ALDH1A3: variants seen among roughly 807,000 people sequenced by gnomAD.
ALDH1A3 encodes retinaldehyde dehydrogenase 3.
In ALDH1A3, 28 loss-of-function variants were observed where a neutral mutation model predicts 57.5. The ratio of observed to expected loss-of-function variants is 0.49; its 90% CI spans 0.36 to 0.67. The LOEUF (loss-of-function observed/expected upper bound fraction) is 0.67, where lower values mean the gene tolerates loss of function less well. Among genes scored for constraint, ALDH1A3 ranks in the 30% least tolerant of loss-of-function variants. The pLI is 0.00. For missense variants in ALDH1A3, 507 were observed against 669.4 expected (o/e 0.76, Z 2.68); for synonymous variants, 281 against 264.8 (o/e 1.06, Z -0.59).
intron 12 of ALDH1A3, 165 bp from the exon 13 acceptor site, chr15:100,914,536 A>G (rs1259713136): frequency 5.0e-6 from 3 of 594,492 alleles, no homozygotes; most frequent in Non-Finnish European, 9.0e-6. Context: ...ACTGACACTT[A>G]CTAGTGCTGT....
At chr15:100,880,270 C>T (rs1252878531) in intron 1 of ALDH1A3, 12 of 386,254 alleles carry the variant, frequency 3.1e-5, no homozygotes, top group Non-Finnish European at 4.6e-5. Context: ...GCCGGGCCGC[C>T]CGCATCCCTG....
intron 9 of ALDH1A3, among the ~76,000 whole-genome samples, chr15:100,902,609 G>A (rs908027846): frequency 2.0e-5 from 3 of 152,198 alleles, no homozygotes; most frequent in South Asian, 2.1e-4. Flanking sequence ...GGCAGGATCC[G>A]GCAGCGTCCT....
chr15:100,898,772 T>C (rs971976916), intron 8 of ALDH1A3, among the ~76,000 whole-genome samples: 2 of 152,210 alleles, frequency 1.3e-5, no homozygotes, highest in East Asian at 1.9e-4. Context: ...AGTTTGGGGA[T>C]AGCTTGCGTC....
chr15:100,886,787 A>G (rs2041598607), intron 2 of ALDH1A3, among the ~76,000 whole-genome samples: 1 of 152,202 alleles, frequency 6.6e-6, no homozygotes, highest in Admixed American at 6.5e-5. Flanking sequence ...TTCTGCTCCC[A>G]TGGGGTGGGT....
rs559338705 is a variant in ALDH1A3, at chr15:100,894,514, TA to T, written c.666+434del. 3.5e-3 allele frequency: 659 copies of T among 185,816 alleles called. 1 individual carries two copies. The highest frequency in any genetic ancestry group is 0.015 in the Middle Eastern group (6 of 388). 11.5% of individuals were successfully genotyped at this position (185,816 alleles called of 1,614,324 possible). A position where few individuals can be genotyped will look rare whatever the true frequency, so the allele number is the denominator to read the frequency against. ...AGCAGTCCGTGTGCCGGGTCCCTGC[TA>T]ATCAGTGCCCTCTGCTCTGAATGCA... is the stretch of plus-strand genomic sequence containing the variant. On this transcript the variant is annotated intron_variant, in intron 6 of 12. Coordinates refer to ENST00000329841, the MANE Select transcript of ALDH1A3 (RefSeq NM_000693.4). This position sits in a 1 kb window ranked among gnomAD's most constrained non-coding sequence, Gnocchi z 4.5.
chr15:100,891,605 T>C (rs1373366222), intron 3 of ALDH1A3, among the ~76,000 whole-genome samples: 1 of 151,912 alleles, frequency 6.6e-6, no homozygotes, highest in African/African-American at 2.4e-5. Context: ...CATCGGGGAG[T>C]GCGCTGGGGT....
At chr15:100,899,158 C>T (rs2041741850) in intron 8 of ALDH1A3, among the ~76,000 whole-genome samples, 1 of 152,174 alleles carries the variant, frequency 6.6e-6, no homozygotes, top group Non-Finnish European at 1.5e-5. Context: ...TACAGGCTCT[C>T]AGGAAGGAAA....
At chr15:100,892,364 G>C in intron 3 of ALDH1A3, 146 bp from the exon 4 acceptor site, 10 of 1,053,898 alleles carry the variant, frequency 9.5e-6, no homozygotes, top group Non-Finnish European at 1.2e-5. Flanking sequence ...TTGGTGTCAT[G>C]CTTTCTGAAG....
chr15:100,893,893 G>A lies in ALDH1A3; in HGVS notation c.538-61G>A. ...GTGTCCTCCACAAAGGCATCGTTGA[G>A]CACATGGGACAGGGTAAGAGGGTGG... On this transcript the variant is annotated intron_variant, in intron 5 of 12. Transcript: ENST00000329841. The surrounding 1 kb of genome is among the most constrained non-coding windows in gnomAD (Gnocchi z 4.8). 1 of 1,573,190 alleles carries A rather than the reference G, an allele frequency of 6.4e-7. No individual in the cohort carries two copies. The highest frequency in any genetic ancestry group is 8.6e-7 in the Non-Finnish European group (1 of 1,162,682).
intron 11 of ALDH1A3, among the ~76,000 whole-genome samples, chr15:100,907,844 C>CTTTT (rs71151987): frequency 0.028 from 2,315 of 81,906 alleles, 191 homozygotes; most frequent in Middle Eastern, 0.045. Context: ...TTCTTTCTTT[C>CTTTT]TTTTTTTTTT....
rs775161437 is a variant in ALDH1A3, at chr15:100,887,799, C to T, written c.345+87C>T. ...CCATGGGGTATGGGAAAAAAGATCA[C>T]GGTCCTGGTTTTGTGTGGTCGTGGG... On this transcript the variant is annotated intron_variant, in intron 3 of 12. Transcript: ENST00000329841. The surrounding 1 kb of genome is among the most constrained non-coding windows in gnomAD (Gnocchi z 4.6). The T allele has an allele frequency of 2.1e-5, 31 of 1,454,508 alleles. No individual in the cohort carries two copies. In the South Asian group the frequency reaches 2.4e-4, roughly 11 times the overall value. The allele number at this position is 1,454,508 out of a possible 1,614,324, so 90.1% of individuals were successfully genotyped here.
At chr15:100,882,909 A>T (rs2141545058) in intron 1 of ALDH1A3, among the ~76,000 whole-genome samples, 1 of 152,396 alleles carries the variant, frequency 6.6e-6, no homozygotes, top group East Asian at 1.9e-4. Flanking sequence ...AAGATTACTT[A>T]CTACTGTAGT....
chr15:100,907,215 T>C lies in ALDH1A3; in HGVS notation c.1328T>C (p.Val443Ala). 6.2e-7 allele frequency: 1 copy of C among 1,614,220 alleles called. No individual in the cohort carries two copies. Among genetic ancestry groups the C allele is most frequent in the Non-Finnish European group, 8.5e-7 (1 of 1,180,018 alleles). ...ACCGACTATGGACTCACAGCAGCCG[T>C]GTTCACAAAAAATCTCGACAAAGCC... is the stretch of plus-strand genomic sequence containing the variant. ...NSTDYGLTAA[V>A]FTKNLDKALK... The change falls in exon 11 of 13, where the codon GTG becomes GCG. Residue 443 changes from valine (V) to alanine (A), a missense_variant. By Grantham distance (64) the Val-to-Ala change is moderately conservative (BLOSUM62 0). This residue lies in a region of ALDH1A3 where 432 missense variants were observed against 608.4 expected (regional missense o/e 0.71). Transcript: ENST00000329841.
Position 100,887,651 on chromosome 15 carries a change from G to C in ALDH1A3, c.284G>C (p.Ser95Thr). Residue 95 changes from serine to threonine, a missense_variant, in exon 3 of 13, where the codon AGT (serine) becomes ACT (threonine). Physicochemically the swap from Ser to Thr is moderately conservative, Grantham distance 58. Around this residue, in one of 2 missense-constraint regions of ALDH1A3, gnomAD observed 432 missense variants for 608.4 expected, o/e 0.71. Coordinates refer to ENST00000329841, the MANE Select transcript of ALDH1A3 (RefSeq NM_000693.4). The surrounding 1 kb of genome is among the most constrained non-coding windows in gnomAD (Gnocchi z 4.6). The stretch of plus-strand genomic sequence containing the variant: ...CCATGGCGCCGGCTGGATGCCCTGA[G>C]TCGTGGGCGGCTGCTGCACCAGCTG... ...GSPWRRLDAL[S>T]RGRLLHQLAD... The C allele has an allele frequency of 6.2e-7, 1 of 1,611,720 alleles. No homozygotes were observed. Among genetic ancestry groups the C allele is most frequent in the African/African-American group, 1.3e-5 (1 of 75,000 alleles).
chr15:100,892,702 C>A, intron 4 of ALDH1A3, 63 bp downstream of exon 4: 1 of 1,546,494 alleles, frequency 6.5e-7, no homozygotes, highest in South Asian at 1.3e-5. Flanking sequence ...TTCATTAATC[C>A]AGAGCCCCCC....
intron 7 of ALDH1A3, among the ~76,000 whole-genome samples, chr15:100,896,645 A>G (rs907449381): frequency 6.6e-6 from 1 of 152,184 alleles, no homozygotes; most frequent in African/African-American, 2.4e-5. Context: ...GTGTTTTGGT[A>G]GCACTCATCC....
intron 1 of ALDH1A3, among the ~76,000 whole-genome samples, chr15:100,884,440 T>C (rs1203571641): frequency 1.3e-5 from 2 of 152,208 alleles, no homozygotes. Flanking sequence ...AGAAAAGTGA[T>C]TTCTGCGGGT....
intron 1 of ALDH1A3, among the ~76,000 whole-genome samples, chr15:100,882,996 T>A (rs1167410082): frequency 6.6e-6 from 1 of 152,090 alleles, no homozygotes; most frequent in Non-Finnish European, 1.5e-5. Flanking sequence ...ACAGTCTGAT[T>A]TTTTTTTAAG....
At chr15:100,913,633 C>T (rs1265046959) in intron 12 of ALDH1A3, 2 of 152,252 alleles carry the variant, frequency 1.3e-5, no homozygotes, top group African/African-American at 2.4e-5. Flanking sequence ...AACATTAATT[C>T]TTCACTCTGT....
Sources: allele counts gnomAD v4.1 joint callset (sites outside exome capture counted in the v4.1 genomes callset), GRCh38; gene constraint gnomAD v4.1.1; regional missense constraint gnomAD v4.1.1; non-coding constraint Gnocchi (gnomAD v3.1); transcripts MANE v1.5; gene names NCBI Gene and HGNC (gene_info 2026-07-23, HGNC 2026-07-21).